Variants in PCDHA13 observed in about 807,000 individuals in gnomAD.
PCDHA13 encodes protocadherin alpha-13.
Under a neutral mutation model 64.8 loss-of-function variants are expected in PCDHA13, and 54 were observed. The ratio of observed to expected loss-of-function variants is 0.83; its 90% CI spans 0.67 to 1.04. The LOEUF is 1.04. Ranked by LOEUF, PCDHA13 falls within the 50% of genes least tolerant of loss-of-function variation. The pLI, the probability that PCDHA13 is intolerant of heterozygous loss-of-function variation, is 0.00. For missense variants in PCDHA13, 1,248 were observed against 1,254.3 expected (o/e 0.99, Z 0.08); for synonymous variants, 587 against 564.4 (o/e 1.04, Z -0.57).
chr5:140,982,324 C>G, intron 2 of PCDHA13, 151 bp from the exon 3 acceptor site: 2 of 1,393,878 alleles, frequency 1.4e-6, no homozygotes, highest in East Asian at 5.1e-5. Context: ...TGCAGGGTGA[C>G]TGCTCAGCAG....
intron 1 of PCDHA13, among the ~76,000 whole-genome samples, chr5:140,911,064 T>C (rs2153516956): frequency 6.6e-6 from 1 of 152,226 alleles, no homozygotes; most frequent in African/African-American, 2.4e-5. Flanking sequence ...GGGTGGGTCC[T>C]GAGGAGAATC....
chr5:140,918,210 A>T (rs2078574076), intron 1 of PCDHA13, among the ~76,000 whole-genome samples: 1 of 152,152 alleles, frequency 6.6e-6, no homozygotes, highest in Non-Finnish European at 1.5e-5. Context: ...TTGTTGGTGT[A>T]CAGAAATGCT....
rs782045843 is a variant in PCDHA13 at position 140,884,051 on chromosome 5, C to T, written c.1783C>T (p.Arg595Cys). 4 of 1,613,308 alleles carry T rather than the reference C, an allele frequency of 2.5e-6. No individual in the cohort carries two copies. Among genetic ancestry groups the T allele is most frequent in the Non-Finnish European group, 2.5e-6 (3 of 1,179,730 alleles). ...TGCAGGCCACGTGGTGGCGAAGGTG[C>T]GCGCGGTGGACGCCGATTCGGGCTA... is the stretch of plus-strand genomic sequence containing the variant. ...VGAGHVVAKVRAVDADSGYNA... is the reference protein window; with the variant it reads ...VGAGHVVAKVCAVDADSGYNA... The change falls in exon 1 of 4, where the codon CGC (arginine) becomes TGC (cysteine). Residue 595 changes from arginine (R) to cysteine (C), a missense_variant. Coordinates refer to ENST00000289272, the MANE Select transcript of PCDHA13 (RefSeq NM_018904.3).
At chr5:140,970,960 G>T (rs3776114) in intron 1 of PCDHA13, among the ~76,000 whole-genome samples, 54,597 of 152,034 alleles carry the variant, frequency 0.36, 10,036 homozygotes, top group Admixed American at 0.46. Context: ...ATGGGAGGCA[G>T]ATTGTAGATT....
intron 1 of PCDHA13, among the ~76,000 whole-genome samples, chr5:140,893,163 T>C (rs557235731): frequency 6.6e-6 from 1 of 152,354 alleles, no homozygotes; most frequent in African/African-American, 2.4e-5. Flanking sequence ...GATATTGAGG[T>C]TGATTCCACA....
intron 1 of PCDHA13, among the ~76,000 whole-genome samples, chr5:140,975,842 T>C (rs1291239014): frequency 1.3e-5 from 2 of 152,210 alleles, no homozygotes; most frequent in Non-Finnish European, 2.9e-5. Context: ...TATTCTTCAG[T>C]AATACTACAT....
intron 1 of PCDHA13, among the ~76,000 whole-genome samples, chr5:140,978,171 G>C (rs1386184793): frequency 6.6e-6 from 1 of 152,186 alleles, no homozygotes; most frequent in Non-Finnish European, 1.5e-5. Context: ...AGAGTTTGTA[G>C]AGAGAGGGCA....
At chr5:140,965,853 A>G (rs1554227879) in intron 1 of PCDHA13, among the ~76,000 whole-genome samples, 2 of 152,220 alleles carry the variant, frequency 1.3e-5, no homozygotes, top group Non-Finnish European at 2.9e-5. Flanking sequence ...CAAGGCACAC[A>G]CTGAAAATAA....
chr5:140,899,102 G>A (rs1156372420), intron 1 of PCDHA13, among the ~76,000 whole-genome samples: 1 of 152,066 alleles, frequency 6.6e-6, no homozygotes, highest in Non-Finnish European at 1.5e-5. Flanking sequence ...TGAGATAATG[G>A]GGTTTTCTAG....
At chr5:140,911,339 A>G (rs2075428336) in intron 1 of PCDHA13, among the ~76,000 whole-genome samples, 1 of 152,042 alleles carries the variant, frequency 6.6e-6, no homozygotes, top group Non-Finnish European at 1.5e-5. Flanking sequence ...TTTCCAATCA[A>G]TGCCCTCATT....
Position 141,009,541 on chromosome 5 carries a change from A to G in PCDHA13, c.2543-86A>G. 8 of 1,530,282 alleles carry G rather than the reference A, an allele frequency of 5.2e-6. No homozygotes were observed. The South Asian group carries it at 6.6e-5, about 13-fold the overall frequency. 94.8% of individuals were successfully genotyped at this position (1,530,282 alleles called of 1,614,324 possible). Reference sequence around the variant, plus strand: ...TTTTCTGGGGAGGTTCAGCCTGCCTATGCAGTACTCCTGTACTCTACCAGC... The same window carrying G: ...TTTTCTGGGGAGGTTCAGCCTGCCTGTGCAGTACTCCTGTACTCTACCAGC... On this transcript the variant is annotated intron_variant, in intron 3 of 3. Coordinates refer to ENST00000289272, the MANE Select transcript of PCDHA13 (RefSeq NM_018904.3).
chr5:140,926,745 C>T (rs1344644551), intron 1 of PCDHA13: 3 of 1,219,360 alleles, frequency 2.5e-6, no homozygotes, highest in Non-Finnish European at 3.2e-6. Flanking sequence ...GGCGCAACGT[C>T]GGCGGTCGCT....
intron 1 of PCDHA13, among the ~76,000 whole-genome samples, chr5:140,899,726 T>A (rs1406076879): frequency 6.6e-6 from 1 of 152,236 alleles, no homozygotes; most frequent in East Asian, 1.9e-4. Flanking sequence ...CCTCTTTTTC[T>A]ATTGATTGGA....
In PCDHA13 at chr5:141,010,279, A is replaced by T. The variant is rs2098416787; in HGVS notation, c.*342A>T. 2.6e-6 allele frequency: 4 copies of T among 1,551,490 alleles called. No homozygotes were observed. The highest frequency in any genetic ancestry group is 3.5e-6 in the Non-Finnish European group (4 of 1,146,936). ...CCTGTGCTCCGGGGATCCTGTCTTG[A>T]TGACACTTGCAGGGCAGGCTGAAAA... On this transcript the variant is annotated 3_prime_UTR_variant, in exon 4 of 4. Coordinates refer to ENST00000289272, the MANE Select transcript of PCDHA13 (RefSeq NM_018904.3).
intron 3 of PCDHA13, among the ~76,000 whole-genome samples, chr5:140,988,231 A>G (rs2097289009): frequency 6.6e-6 from 1 of 152,150 alleles, no homozygotes. Context: ...TCAGGGATCT[A>G]TGTGAGTGGG....
chr5:140,944,310 C>T (rs1036800359), intron 1 of PCDHA13, among the ~76,000 whole-genome samples: 6 of 152,132 alleles, frequency 3.9e-5, no homozygotes, highest in Non-Finnish European at 7.4e-5. Flanking sequence ...ACCTCAGCCT[C>T]CTGAGTAGCT....
intron 1 of PCDHA13, among the ~76,000 whole-genome samples, chr5:140,952,946 G>A (rs2094822679): frequency 6.6e-6 from 1 of 152,070 alleles, no homozygotes; most frequent in African/African-American, 2.4e-5. Flanking sequence ...AAGAGAGAGA[G>A]AAGGGGGAAG....
In PCDHA13 at chr5:140,903,111, A is replaced by G. The variant is rs1002837275; in HGVS notation, c.2394+18449A>G. ...CATTGCTGGATCAAATAATAGCTCT[A>G]CTTCTAAATCTTTAAGAAATCTCCA... On this transcript the variant is annotated intron_variant, in intron 1 of 3. Transcript: ENST00000289272. Among the ~76,000 whole-genome samples, 13 of 152,306 alleles carry G rather than the reference A, an allele frequency of 8.5e-5. No individual in the cohort carries two copies. In the East Asian group the frequency reaches 2.5e-3, roughly 29 times the overall value.
At position 140,946,631 on chromosome 5, in the gene PCDHA13, T is replaced by TATATATATATACAC. The variant is rs57893927; in HGVS notation, c.2395-32317_2395-32316insTATATATATACACA. Among the ~76,000 whole-genome samples, 93 of 131,838 alleles carry TATATATATATACAC rather than the reference T, an allele frequency of 7.1e-4. 3 individuals carry two copies. Among genetic ancestry groups the TATATATATATACAC allele is most frequent in the East Asian group, 2.3e-3 (11 of 4,866 alleles). 86.5% of individuals were successfully genotyped at this position (131,838 alleles called of 152,430 possible). A position where few individuals can be genotyped will look rare whatever the true frequency, so the allele number is the denominator to read the frequency against. ...TGTGAAATATATATATATATATATA[T>TATATATATATACAC]ACAATGGAATACTCATCAGCCATTA... On this transcript the variant is annotated intron_variant, in intron 1 of 3. Transcript: ENST00000289272.
Sources: gnomAD v4.1 joint callset for allele counts (sites outside exome capture counted in the v4.1 genomes callset) on GRCh38, gnomAD v4.1.1 for gene constraint, MANE v1.5 for transcripts, NCBI Gene and HGNC (gene_info 2026-07-23, HGNC 2026-07-21) for gene names.